CELF4: variants seen among roughly 807,000 people sequenced by gnomAD.
CELF4 encodes the protein CUG-BP- and ETR-3-like factor 4.
Under a neutral mutation model 59.9 loss-of-function variants are expected in CELF4, and 18 were observed. The ratio of observed to expected loss-of-function variants is 0.30; its 90% CI spans 0.21 to 0.45. The LOEUF (loss-of-function observed/expected upper bound fraction) is 0.45. Among genes scored for constraint, CELF4 ranks in the 20% least tolerant of loss-of-function variants. CELF4 has a pLI of 1.00. For missense variants in CELF4, 456 were observed against 689.0 expected (o/e 0.66, Z 3.79); for synonymous variants, 261 against 267.1 (o/e 0.98, Z 0.22).
chr18:37,250,978 C>T (rs1269420733), intron 12 of CELF4, among the ~76,000 whole-genome samples: 2 of 152,256 alleles, frequency 1.3e-5, no homozygotes, highest in African/African-American at 2.4e-5. Flanking sequence ...TGTACTCCCT[C>T]AGGACATTCA....
chr18:37,379,879 A>G (rs1486181535), intron 2 of CELF4, among the ~76,000 whole-genome samples: 1 of 152,116 alleles, frequency 6.6e-6, no homozygotes, highest in Non-Finnish European at 1.5e-5. Flanking sequence ...GGTGGATTAA[A>G]CATCTGATAT....
intron 2 of CELF4, among the ~76,000 whole-genome samples, chr18:37,379,507 CA>C (rs56250210): frequency 0.034 from 1,540 of 45,606 alleles, 7 homozygotes; most frequent in Non-Finnish European, 0.047. Flanking sequence ...AGGCCATAAG[CA>C]AAAAAAAAAA....
At chr18:37,292,758 T>G (rs891584834) in intron 3 of CELF4, among the ~76,000 whole-genome samples, 2 of 152,242 alleles carry the variant, frequency 1.3e-5, no homozygotes, top group Non-Finnish European at 2.9e-5. Flanking sequence ...TTAGTAATAA[T>G]TTCATCTCCC....
intron 1 of CELF4, among the ~76,000 whole-genome samples, chr18:37,516,699 T>C (rs2099950977): frequency 6.6e-6 from 1 of 152,174 alleles, no homozygotes; most frequent in African/African-American, 2.4e-5. Flanking sequence ...AGAAAGCCAA[T>C]TCAGAACCCA....
chr18:37,265,271 T>C (rs995842891), intron 9 of CELF4, among the ~76,000 whole-genome samples: 10 of 152,130 alleles, frequency 6.6e-5, no homozygotes, highest in East Asian at 1.9e-4. Flanking sequence ...CATGTGTGCA[T>C]ACATTACATG....
rs528492527 is a variant in CELF4, at chr18:37,399,765, T to C, written c.370-77884A>G. 7.2e-5 allele frequency among the ~76,000 whole-genome samples: 11 copies of C among 152,374 alleles called. No homozygotes were observed. In the East Asian group the frequency reaches 2.1e-3, roughly 29 times the overall value. Reference sequence around the variant, plus strand: ...GTGGCAGGTGAGCCTACTGTGGTCCTGATTCAGTAAGACGCTTGCCCATCT... The same window carrying C: ...GTGGCAGGTGAGCCTACTGTGGTCCCGATTCAGTAAGACGCTTGCCCATCT... On this transcript the variant is annotated intron_variant, in intron 2 of 12. Coordinates refer to ENST00000420428, the MANE Select transcript of CELF4 (RefSeq NM_020180.4).
rs116758633 is a variant in CELF4, at chr18:37,522,687, C to T, written c.287-37080G>A. On this transcript the variant is annotated intron_variant, in intron 1 of 12. Transcript: ENST00000420428. ...TTTGTTTGAGACGAGCTTCAGTGGTCCCATCACCCCTTCACACCTCCTAAC... is the reference window on the plus strand; with the variant it reads ...TTTGTTTGAGACGAGCTTCAGTGGTTCCATCACCCCTTCACACCTCCTAAC... Among the ~76,000 whole-genome samples, 513 of 152,252 alleles carry T rather than the reference C, an allele frequency of 3.4e-3. 2 individuals are homozygous for T. The highest frequency in any genetic ancestry group is 0.012 in the African/African-American group (482 of 41,546).
chr18:37,513,941 CGTGTGTGTGTGTGTGTGT>C (rs5824070), intron 1 of CELF4, among the ~76,000 whole-genome samples: 1,444 of 144,348 alleles, frequency 0.01, 20 homozygotes, highest in African/African-American at 0.035. Context: ...TGTGTGGTGC[CGTGTGTGTGTGTGTGTGT>C]GTGTGTGTGT....
intron 2 of CELF4, among the ~76,000 whole-genome samples, chr18:37,398,436 T>G (rs1171527747): frequency 1.3e-5 from 2 of 152,188 alleles, no homozygotes. Context: ...CATGATGTGG[T>G]TCTGGCACGT....
At chr18:37,331,388 G>C (rs887775919) in intron 2 of CELF4, among the ~76,000 whole-genome samples, 2 of 152,150 alleles carry the variant, frequency 1.3e-5, no homozygotes, top group African/African-American at 4.8e-5. Flanking sequence ...CGCCTTTCCA[G>C]TCATCGCCTC....
rs749285405 is a variant in CELF4, at chr18:37,274,160, C to T, written c.801+151G>A. 1.2e-5 allele frequency: 17 copies of T among 1,465,034 alleles called. No individual in the cohort carries two copies. In the Middle Eastern group the frequency reaches 1.0e-3, roughly 88 times the overall value. The allele number at this position is 1,465,034 out of a possible 1,614,324, so 90.8% of individuals were successfully genotyped here. On this transcript the variant is annotated intron_variant, in intron 6 of 12. Coordinates refer to ENST00000420428, the MANE Select transcript of CELF4 (RefSeq NM_020180.4). Reference sequence around the variant, plus strand: ...TCTTTCAAACCCTTCTGAAGTTAAACCCCCCAGGTTCATGGGTTCATTCCC... The same window carrying T: ...TCTTTCAAACCCTTCTGAAGTTAAATCCCCCAGGTTCATGGGTTCATTCCC...
chr18:37,494,969 G>A (rs570853441), intron 1 of CELF4, among the ~76,000 whole-genome samples: 1 of 152,166 alleles, frequency 6.6e-6, no homozygotes, highest in African/African-American at 2.4e-5. Context: ...CTCTATCACA[G>A]GTGCCCTTTC....
chr18:37,264,315 G>T (rs778004387), intron 10 of CELF4, among the ~76,000 whole-genome samples: 18 of 152,240 alleles, frequency 1.2e-4, no homozygotes, highest in Non-Finnish European at 1.6e-4. Context: ...TTCAGAAGGG[G>T]TTCTCATAGA....
At chr18:37,395,515 T>G (rs983616760) in intron 2 of CELF4, among the ~76,000 whole-genome samples, 1 of 152,222 alleles carries the variant, frequency 6.6e-6, no homozygotes, top group East Asian at 1.9e-4. Flanking sequence ...GTGTCCACTA[T>G]AGCAGTTTGT....
intron 3 of CELF4, among the ~76,000 whole-genome samples, chr18:37,318,839 C>T (rs567197597): frequency 3.3e-5 from 5 of 152,326 alleles, no homozygotes; most frequent in African/African-American, 1.2e-4. Flanking sequence ...GGATTCCAGA[C>T]ATCCCTCTCC....
intron 2 of CELF4, among the ~76,000 whole-genome samples, chr18:37,410,171 C>CT (rs1482437080): frequency 6.6e-6 from 1 of 152,164 alleles, no homozygotes; most frequent in African/African-American, 2.4e-5. Context: ...TGGACTCTCC[C>CT]TACCCCCGCC....
At chr18:37,280,796 C>A (rs1293760536) in intron 3 of CELF4, among the ~76,000 whole-genome samples, 1 of 152,248 alleles carries the variant, frequency 6.6e-6, no homozygotes, top group African/African-American at 2.4e-5. Flanking sequence ...CTTCACCTGC[C>A]TCCTGACTGC....
intron 3 of CELF4, among the ~76,000 whole-genome samples, chr18:37,303,598 G>GA (rs1296844811): frequency 1.3e-5 from 2 of 151,960 alleles, no homozygotes; most frequent in Non-Finnish European, 2.9e-5. Context: ...CGGGTGGGGA[G>GA]AAAAAAAGGG....
At chr18:37,277,329 C>T (rs2093467219) in intron 3 of CELF4, among the ~76,000 whole-genome samples, 1 of 152,218 alleles carries the variant, frequency 6.6e-6, no homozygotes, top group African/African-American at 2.4e-5. Flanking sequence ...AGCCCAGGCC[C>T]CACTACCTGC....
Sources: gnomAD v4.1 joint callset for allele counts (sites outside exome capture counted in the v4.1 genomes callset) on GRCh38, gnomAD v4.1.1 for gene constraint, MANE v1.5 for transcripts, NCBI Gene and HGNC (gene_info 2026-07-23, HGNC 2026-07-21) for gene names.